The following DCC variants were observed in gnomAD, a reference collection of about 807,000 sequenced individuals.
DCC encodes the protein DCC netrin 1 receptor.
In DCC, 58 loss-of-function variants were observed where a neutral mutation model predicts 172.5. That is an observed-to-expected ratio of 0.34 (90% CI 0.27 to 0.42). The LOEUF (loss-of-function observed/expected upper bound fraction) is 0.42. Ranked by LOEUF, DCC falls within the 10% of genes least tolerant of loss-of-function variation. DCC has a pLI of 1.00. For synonymous variants in DCC, 709 were observed against 644.5 expected (o/e 1.10, Z -1.52); for missense variants, 1,740 against 1,791.0 (o/e 0.97, Z 0.51).
chr18:53,421,916 C>A (rs903827788), intron 21 of DCC, among the ~76,000 whole-genome samples: 1 of 152,144 alleles, frequency 6.6e-6, no homozygotes, highest in Non-Finnish European at 1.5e-5. Flanking sequence ...CACATGCAAT[C>A]CTATTTGATT....
At position 53,094,630 on chromosome 18, in the gene DCC, T is replaced by C. The variant is rs150798242; in HGVS notation, c.1261+28464T>C. Reference sequence around the variant, plus strand: ...GGAATTTTATAGAATAATTTTAGATTACTTTATATCTTCATAAGAATGCAT... The same window carrying C: ...GGAATTTTATAGAATAATTTTAGATCACTTTATATCTTCATAAGAATGCAT... On this transcript the variant is annotated intron_variant, in intron 7 of 28. Transcript: ENST00000442544. 2.6e-4 allele frequency among the ~76,000 whole-genome samples: 40 copies of C among 152,292 alleles called. No individual in the cohort carries two copies. In the East Asian group the frequency reaches 6.4e-3, roughly 24 times the overall value.
intron 1 of DCC, among the ~76,000 whole-genome samples, chr18:52,655,784 TAA>T (rs1163811445): frequency 6.6e-6 from 1 of 151,936 alleles, no homozygotes; most frequent in Non-Finnish European, 1.5e-5. Context: ...GTTAATCCAT[TAA>T]AAACAAACAA....
intron 14 of DCC, among the ~76,000 whole-genome samples, chr18:53,327,913 T>C (rs562717506): frequency 1.3e-5 from 2 of 152,196 alleles, no homozygotes; most frequent in Non-Finnish European, 2.9e-5. Context: ...TGATTTATGA[T>C]AATTGACAGA....
chr18:53,282,595 C>T (rs1162231299), intron 12 of DCC, among the ~76,000 whole-genome samples: 1 of 152,056 alleles, frequency 6.6e-6, no homozygotes, highest in Non-Finnish European at 1.5e-5. Flanking sequence ...TATACTGAAG[C>T]ATTATAGGAG....
At chr18:52,847,826 T>G (rs1016824653) in intron 2 of DCC, among the ~76,000 whole-genome samples, 1 of 152,210 alleles carries the variant, frequency 6.6e-6, no homozygotes, top group Admixed American at 6.5e-5. Flanking sequence ...TGGTATAACT[T>G]AAGGATTTAT....
At chr18:52,892,876 T>A (rs138741928) in intron 2 of DCC, among the ~76,000 whole-genome samples, 2,611 of 152,240 alleles carry the variant, frequency 0.017, 55 homozygotes, top group African/African-American at 0.046. Context: ...CCCCAGTAGG[T>A]ACTTCCAAAT....
intron 7 of DCC, among the ~76,000 whole-genome samples, chr18:53,123,117 C>A (rs1037649505): frequency 7.2e-5 from 11 of 151,998 alleles, no homozygotes; most frequent in African/African-American, 2.2e-4. Context: ...ACAGTCTTTG[C>A]ATATGTCATA....
chr18:52,391,443 G>T (rs933797763), intron 1 of DCC, among the ~76,000 whole-genome samples: 1 of 152,116 alleles, frequency 6.6e-6, no homozygotes, highest in Non-Finnish European at 1.5e-5. Flanking sequence ...AGTTTAAACA[G>T]ATTCAAAGAA....
At chr18:53,317,677 T>C (rs2057359922) in intron 13 of DCC, among the ~76,000 whole-genome samples, 2 of 152,218 alleles carry the variant, frequency 1.3e-5, no homozygotes, top group African/African-American at 4.8e-5. Flanking sequence ...TACTCAGGGA[T>C]TCGACTTCTT....
intron 13 of DCC, among the ~76,000 whole-genome samples, chr18:53,318,911 C>G (rs944984665): frequency 2.0e-5 from 3 of 152,252 alleles, no homozygotes; most frequent in Non-Finnish European, 2.9e-5. Flanking sequence ...AATAGCAGAT[C>G]TCTCTGCAGA....
chr18:53,425,861 T>C (rs1910901259), intron 21 of DCC, among the ~76,000 whole-genome samples: 1 of 152,188 alleles, frequency 6.6e-6, no homozygotes, highest in African/African-American at 2.4e-5. Context: ...TGGAACAGTT[T>C]ATTCTGATCC....
intron 2 of DCC, among the ~76,000 whole-genome samples, chr18:52,805,666 A>C (rs2038072077): frequency 6.6e-6 from 1 of 152,242 alleles, no homozygotes; most frequent in Non-Finnish European, 1.5e-5. Flanking sequence ...ACTTTCAGTA[A>C]AGTCTACCAC....
At chr18:53,309,246 C>A (rs1443930373) in intron 13 of DCC, among the ~76,000 whole-genome samples, 1 of 152,006 alleles carries the variant, frequency 6.6e-6, no homozygotes, top group African/African-American at 2.4e-5. Context: ...GCTTTGTTGC[C>A]CAGGCTGGTC....
intron 12 of DCC, among the ~76,000 whole-genome samples, chr18:53,220,079 T>G (rs2055908651): frequency 6.6e-6 from 1 of 151,992 alleles, no homozygotes; most frequent in African/African-American, 2.4e-5. Flanking sequence ...GCTGAGTGAG[T>G]CATTTGCATA....
At chr18:53,102,711 C>T (rs2043191087) in intron 7 of DCC, among the ~76,000 whole-genome samples, 1 of 152,094 alleles carries the variant, frequency 6.6e-6, no homozygotes, top group Non-Finnish European at 1.5e-5. Context: ...GCTGACCTAA[C>T]TAATAACTTT....
At chr18:52,899,245 G>A (rs2039775366) in intron 2 of DCC, among the ~76,000 whole-genome samples, 1 of 151,880 alleles carries the variant, frequency 6.6e-6, no homozygotes, top group South Asian at 2.1e-4. Flanking sequence ...GAACTCCTGG[G>A]CTCAAGTGAT....
At chr18:53,522,687 T>C (rs8088468) in intron 27 of DCC, among the ~76,000 whole-genome samples, 126,455 of 152,054 alleles carry the variant, frequency 0.83, 52,639 homozygotes, top group Non-Finnish European at 0.86. Flanking sequence ...ATTTAATAAA[T>C]GGTGTTGGGA....
intron 25 of DCC, chr18:53,480,922 C>CA (rs771563698): frequency 8.5e-5 from 13 of 152,130 alleles, no homozygotes; most frequent in Non-Finnish European, 1.6e-4. Context: ...GTCAGAGCTT[C>CA]AAGTTGTTTC....
chr18:52,592,806 CGTGT>C (rs970398059), intron 1 of DCC, among the ~76,000 whole-genome samples: 1 of 151,990 alleles, frequency 6.6e-6, no homozygotes, highest in East Asian at 1.9e-4. Context: ...TCTAATTGTG[CGTGT>C]GTGTGTGTAT....
Sources: gnomAD v4.1 joint callset for allele counts (sites outside exome capture counted in the v4.1 genomes callset) on GRCh38, gnomAD v4.1.1 for gene constraint, MANE v1.5 for transcripts, NCBI Gene and HGNC (gene_info 2026-07-23, HGNC 2026-07-21) for gene names.